Variants in MAP7 observed in about 807,000 individuals in gnomAD.
The protein encoded by MAP7 is microtubule associated protein 7.
In MAP7, 52 loss-of-function variants were observed where a neutral mutation model predicts 94.8. The ratio of observed to expected loss-of-function variants is 0.55; its 90% CI spans 0.44 to 0.69. MAP7 has a LOEUF of 0.69. MAP7 is among the 30% of genes least tolerant of loss of function. The probability of loss-of-function intolerance (pLI) is 0.00; values close to 1 mark genes in which losing one functional copy is unlikely to be tolerated. For synonymous variants in MAP7, 350 were observed against 357.0 expected (o/e 0.98, Z 0.22); for missense variants, 940 against 964.6 (o/e 0.97, Z 0.34).
rs181592814 is a variant in MAP7 at position 136,427,531 on chromosome 6, T to C, written c.68-5732A>G. ...ACCAGAATAAACCCATTTCATGGTA[T>C]GGTGCAACATCCAGCCACATTCAAT... On this transcript the variant is annotated intron_variant, in intron 1 of 17. Coordinates refer to ENST00000354570, the MANE Select transcript of MAP7 (RefSeq NM_003980.6). Among the ~76,000 whole-genome samples the C allele has an allele frequency of 7.2e-5, 11 of 152,340 alleles. No individual in the cohort carries two copies. In the East Asian group the frequency reaches 2.1e-3, roughly 29 times the overall value.
intron 13 of MAP7, 121 bp from the exon 14 acceptor site, chr6:136,360,152 A>AT: frequency 1.4e-6 from 1 of 737,086 alleles, no homozygotes; most frequent in Non-Finnish European, 2.1e-6. Context: ...TACAATATGC[A>AT]CTTTTTTTTT....
intron 10 of MAP7, among the ~76,000 whole-genome samples, chr6:136,363,960 C>G (rs1168907883): frequency 6.6e-6 from 1 of 152,200 alleles, no homozygotes; most frequent in Non-Finnish European, 1.5e-5. Flanking sequence ...GTCTGTATGT[C>G]AAAACATTAT....
intron 16 of MAP7, among the ~76,000 whole-genome samples, chr6:136,356,174 T>C (rs1438080100): frequency 6.6e-6 from 1 of 152,200 alleles, no homozygotes; most frequent in Admixed American, 6.5e-5. Flanking sequence ...TTGTTTTTTG[T>C]TTTGTTTTTT....
At chr6:136,471,171 T>TA (rs1358720503) in intron 1 of MAP7, among the ~76,000 whole-genome samples, 26 of 152,326 alleles carry the variant, frequency 1.7e-4, no homozygotes, top group African/African-American at 5.8e-4. Context: ...ATTGAAAAGC[T>TA]AAAAGCACAC....
intron 1 of MAP7, among the ~76,000 whole-genome samples, chr6:136,499,901 C>T (rs1483896795): frequency 6.6e-6 from 1 of 152,002 alleles, no homozygotes; most frequent in Non-Finnish European, 1.5e-5. Flanking sequence ...GAGGCTGAAG[C>T]GGGAGAACTG....
At chr6:136,385,756 G>A (rs1200090267) in intron 5 of MAP7, among the ~76,000 whole-genome samples, 6 of 152,114 alleles carry the variant, frequency 3.9e-5, no homozygotes, top group Non-Finnish European at 8.8e-5. Flanking sequence ...AAAAGAATAA[G>A]TTTTTAATGT....
At chr6:136,367,821 G>A (rs999975878) in intron 8 of MAP7, among the ~76,000 whole-genome samples, 5 of 152,174 alleles carry the variant, frequency 3.3e-5, no homozygotes, top group Admixed American at 6.5e-5. Context: ...TGGTGTACAG[G>A]GTGGCATGCC....
At chr6:136,370,905 CTT>C (rs67002671) in intron 8 of MAP7, among the ~76,000 whole-genome samples, 110,017 of 149,242 alleles carry the variant, frequency 0.74, 41,261 homozygotes, top group Middle Eastern at 0.84. Context: ...ACGTTACATG[CTT>C]TTTTTTTTTT....
At chr6:136,408,227 G>A (rs976843193) in intron 3 of MAP7, among the ~76,000 whole-genome samples, 4 of 152,120 alleles carry the variant, frequency 2.6e-5, no homozygotes, top group Non-Finnish European at 4.4e-5. Flanking sequence ...CGTATAAAGC[G>A]TTTAAGGAAG....
chr6:136,458,766 T>G (rs1804200150), intron 1 of MAP7, among the ~76,000 whole-genome samples: 1 of 152,036 alleles, frequency 6.6e-6, no homozygotes, highest in Admixed American at 6.6e-5. Context: ...CAAAATGGAT[T>G]AAACACCTAA....
intron 2 of MAP7, chr6:136,420,245 C>T (rs1230902285): frequency 1.2e-5 from 12 of 990,114 alleles, no homozygotes; most frequent in Non-Finnish European, 1.9e-5. Flanking sequence ...TCTGACAGGG[C>T]CGCGCCAGGT....
intron 1 of MAP7, among the ~76,000 whole-genome samples, chr6:136,491,672 A>T (rs2128990640): frequency 6.6e-6 from 1 of 152,348 alleles, no homozygotes; most frequent in South Asian, 2.1e-4. Context: ...CATTTTTATA[A>T]TGTGAGTCTA....
At position 136,505,303 on chromosome 6, in the gene MAP7, A is replaced by G. The variant is rs1476277127; in HGVS notation, c.67+45039T>C. 2.4e-4 allele frequency among the ~76,000 whole-genome samples: 33 copies of G among 137,636 alleles called. 1 individual carries two copies. The highest frequency in any genetic ancestry group is 1.1e-3 in the South Asian group (5 of 4,424). The allele number at this position is 137,636 out of a possible 152,430, so 90.3% of individuals were successfully genotyped here. A position where few individuals can be genotyped will look rare whatever the true frequency, so the allele number is the denominator to read the frequency against. Reference sequence around the variant, plus strand: ...TATATATATATATATATATATATATATATATATATAGTAAAATTACAGAAA... The same window carrying G: ...TATATATATATATATATATATATATGTATATATATAGTAAAATTACAGAAA... On this transcript the variant is annotated intron_variant, in intron 1 of 17. Transcript: ENST00000354570.
rs917394161 is a variant in MAP7 at position 136,360,729 on chromosome 6, T to C, written c.1771A>G (p.Arg591Gly). 3.7e-6 allele frequency: 6 copies of C among 1,614,142 alleles called. No homozygotes were observed. The highest frequency in any genetic ancestry group is 5.1e-6 in the Non-Finnish European group (6 of 1,180,022). Residue 591 changes from arginine (R) to glycine (G), a missense_variant, in exon 13 of 18, where the codon AGA becomes GGA. Coordinates refer to ENST00000354570, the MANE Select transcript of MAP7 (RefSeq NM_003980.6). ...VRQEREKHFQ[R>G]EEQERLERKK... is the part of the protein sequence containing the mutation. ...CTCTCCAGGCGCTCTTGCTCTTCTCTCTGGAAATGCTTCTCTCGTTCCTGC... is the reference window on the plus strand; with the variant it reads ...CTCTCCAGGCGCTCTTGCTCTTCTCCCTGGAAATGCTTCTCTCGTTCCTGC...
intron 1 of MAP7, among the ~76,000 whole-genome samples, chr6:136,549,420 T>A (rs915524992): frequency 6.6e-6 from 1 of 152,064 alleles, no homozygotes; most frequent in Non-Finnish European, 1.5e-5. Context: ...ATTTGCAAGA[T>A]AGCCTCTGGA....
chr6:136,405,982 T>C (rs1172680513), intron 3 of MAP7, among the ~76,000 whole-genome samples: 1 of 152,244 alleles, frequency 6.6e-6, no homozygotes, highest in Non-Finnish European at 1.5e-5. Context: ...ACTTCAATAC[T>C]CCAGCATCCC....
chr6:136,404,751 C>T (rs1051712201), intron 3 of MAP7, among the ~76,000 whole-genome samples: 1 of 152,206 alleles, frequency 6.6e-6, no homozygotes, highest in Non-Finnish European at 1.5e-5. Context: ...TAAACACAAT[C>T]AATACTCCAA....
rs1478515726 is a variant in MAP7, at chr6:136,343,422, A to C, written c.*806T>G. ...GCAGCAACATACAGACTTCAGAAAT[A>C]GCCCTGAATCATCAGTAACATTCTA... On this transcript the variant is annotated 3_prime_UTR_variant, in exon 18 of 18. Transcript: ENST00000354570. 6.5e-6 allele frequency: 1 copy of C among 152,708 alleles called. No individual in the cohort carries two copies. Among genetic ancestry groups the C allele is most frequent in the African/African-American group, 2.4e-5 (1 of 41,476 alleles). 9.5% of individuals were successfully genotyped at this position (152,708 alleles called of 1,614,324 possible).
chr6:136,433,977 C>T (rs972797972), intron 1 of MAP7, among the ~76,000 whole-genome samples: 3 of 152,136 alleles, frequency 2.0e-5, no homozygotes, highest in African/African-American at 7.2e-5. Flanking sequence ...CAGGGACAGA[C>T]GACACTGACT....
Sources: allele counts gnomAD v4.1 joint callset (sites outside exome capture counted in the v4.1 genomes callset), GRCh38; gene constraint gnomAD v4.1.1; transcripts MANE v1.5; gene names NCBI Gene and HGNC (gene_info 2026-07-23, HGNC 2026-07-21).